The following PPFIA4 variants were observed in gnomAD, a reference collection of about 807,000 sequenced individuals.
PPFIA4 encodes the protein PPFI scaffold protein A4, also known as liprin-alpha-4.
A neutral mutation model predicts 145.7 loss-of-function variants in PPFIA4; 98 were observed. The ratio of observed to expected loss-of-function variants is 0.67; its 90% confidence interval spans 0.57 to 0.80. PPFIA4 has a LOEUF of 0.80. Among genes scored for constraint, PPFIA4 ranks in the 30% least tolerant of loss-of-function variants. The pLI is 0.00. For synonymous variants in PPFIA4, 628 were observed against 649.6 expected, an observed-to-expected ratio of 0.97 and a Z score of 0.51; for missense variants, 1,457 against 1,632.7, an observed-to-expected ratio of 0.89 and a Z score of 1.85.
intron 19 of PPFIA4, among the ~76,000 whole-genome samples, chr1:203,058,587 T>C (rs1039703447): frequency 2.0e-5 from 3 of 152,208 alleles, no homozygotes; most frequent in Non-Finnish European, 4.4e-5. Context: ...TACTGTGCAC[T>C]GTGGGGGGGT....
chr1:203,061,068 G>A, intron 23 of PPFIA4, 36 bp downstream of exon 23: 4 of 1,596,360 alleles, frequency 2.5e-6, no homozygotes, highest in Non-Finnish European at 3.4e-6. Context: ...CCTGGGCCTG[G>A]GGTTGGGACT....
At chr1:203,044,923 T>G in intron 6 of PPFIA4, 138 bp downstream of exon 6, 1 of 766,492 alleles carries the variant, frequency 1.3e-6, no homozygotes, top group South Asian at 1.6e-5. Flanking sequence ...CCTTCTCTTT[T>G]CTTCTTCTCC....
chr1:203,048,761 T>TGGGGGGGGG lies in PPFIA4; in HGVS notation c.1356+51_1356+52insGGGGGGGGG. 1 of 791,614 alleles carries TGGGGGGGGG rather than the reference T, an allele frequency of 1.3e-6. No individual in the cohort carries two copies. Among genetic ancestry groups the TGGGGGGGGG allele is most frequent in the Admixed American group, 5.6e-5 (1 of 17,836 alleles). 49.0% of individuals were successfully genotyped at this position (791,614 alleles called of 1,614,324 possible). ...GGATGCGAGAGGTTAGTGCTGGGTGTGGGGCGGGGGGAGGCGGGACTGTGA... is the reference window on the plus strand; with the variant it reads ...GGATGCGAGAGGTTAGTGCTGGGTGTGGGGGGGGGGGGGCGGGGGGAGGCGGGACTGTGA... On this transcript the variant is annotated intron_variant, in intron 11 of 29. Coordinates refer to ENST00000295706, the MANE Select transcript of PPFIA4 (RefSeq NM_001304331.2). This position sits in a 1 kb window ranked among gnomAD's most constrained non-coding sequence, Gnocchi z 5.8.
chr1:203,070,949 T>G (rs1662109613), intron 27 of PPFIA4, among the ~76,000 whole-genome samples: 1 of 126,432 alleles, frequency 7.9e-6, no homozygotes. Flanking sequence ...ATGATCCCAC[T>G]TTTTTGTTTT....
intron 25 of PPFIA4, 38 bp downstream of exon 25, chr1:203,064,041 G>T (rs760353218): frequency 5.6e-6 from 9 of 1,596,056 alleles, no homozygotes; most frequent in Non-Finnish European, 7.7e-6. Context: ...CTCCCTCGTG[G>T]GGGCCTCCCC....
intron 20 of PPFIA4, 71 bp downstream of exon 20, chr1:203,059,342 C>T (rs1661204680): frequency 7.7e-7 from 1 of 1,301,250 alleles, no homozygotes; most frequent in Admixed American, 2.0e-5. Flanking sequence ...CCCTGGGCTG[C>T]TGTGAAACTG....
Position 203,043,335 on chromosome 1 carries a change from A to T in PPFIA4, c.235-62A>T, listed in dbSNP as rs1479636094. 2.8e-6 allele frequency: 4 copies of T among 1,428,914 alleles called. No individual in the cohort carries two copies. The highest frequency in any genetic ancestry group is 3.9e-6 in the Non-Finnish European group (4 of 1,033,720). 88.5% of individuals were successfully genotyped at this position (1,428,914 alleles called of 1,614,324 possible). On this transcript the variant is annotated intron_variant, in intron 2 of 29. Transcript: ENST00000295706. This position sits in a 1 kb window ranked among gnomAD's most constrained non-coding sequence, Gnocchi z 4.4. Reference sequence around the variant, plus strand: ...TGAGAGGATCCCACCACTGACTTGCATGTGCAGGACACTGCTTTGGGGGTG... The same window carrying T: ...TGAGAGGATCCCACCACTGACTTGCTTGTGCAGGACACTGCTTTGGGGGTG...
At position 203,071,761 on chromosome 1, in the gene PPFIA4, G is replaced by A. The variant is rs777513530; in HGVS notation, c.3393+1G>A. The stretch of plus-strand genomic sequence containing the variant: ...GGGCACAGACCGGAAGCTGGATGAC[G>A]TGAGTACCTGGCCATGAATTAGGAG... On this transcript the variant is annotated splice_donor_variant, in intron 28 of 29. Transcript: ENST00000295706. LOFTEE classifies it high-confidence loss of function. The A allele has an allele frequency of 3.7e-6, 6 of 1,609,288 alleles. No homozygotes were observed. Among genetic ancestry groups the A allele is most frequent in the South Asian group, 2.2e-5 (2 of 90,426 alleles).
intron 25 of PPFIA4, among the ~76,000 whole-genome samples, chr1:203,065,746 C>T (rs2102683438): frequency 6.6e-6 from 1 of 152,228 alleles, no homozygotes; most frequent in South Asian, 2.1e-4. Flanking sequence ...ATTTTAAAAC[C>T]TTATTTTACA....
chr1:203,068,436 C>G lies in PPFIA4; in HGVS notation c.3149-17C>G. On this transcript the variant is annotated splice_polypyrimidine_tract_variant and intron_variant, in intron 26 of 29. Transcript: ENST00000295706. This position sits in a 1 kb window ranked among gnomAD's most constrained non-coding sequence, Gnocchi z 4.7. ...CGTAGTATCTCCTTCCGTCCCTTTT[C>G]TTCCCCCACACTCCAGATGTGTTAG... 6.3e-7 allele frequency: 1 copy of G among 1,577,230 alleles called. No homozygotes were observed. Among genetic ancestry groups the G allele is most frequent in the Non-Finnish European group, 8.6e-7 (1 of 1,161,928 alleles).
Position 203,064,002 on chromosome 1 carries a change from C to T in PPFIA4, c.3049C>T (p.Arg1017Ter), listed in dbSNP as rs1443611076. 9.3e-6 allele frequency: 15 copies of T among 1,611,676 alleles called. No homozygotes were observed. The highest frequency in any genetic ancestry group is 2.2e-5 in the South Asian group (2 of 90,994). ...CCTGAAGATGGTGGACAGCTTCCATCGGTGAGCGCGGCTGGGACCCAGGGC... is the reference window on the plus strand; with the variant it reads ...CCTGAAGATGGTGGACAGCTTCCATTGGTGAGCGCGGCTGGGACCCAGGGC... The part of the protein sequence containing the change: ...VHLKMVDSFH[R>*]TSLQYGIMCL... The change falls in exon 25 of 30, where the codon CGA becomes TGA. Residue 1017 changes from arginine (R) to a stop codon, truncating the protein, a stop_gained and splice_region_variant. Coordinates refer to ENST00000295706, the MANE Select transcript of PPFIA4 (RefSeq NM_001304331.2). LOFTEE classifies it high-confidence loss of function.
In PPFIA4 at chr1:203,044,044, G is replaced by T; in HGVS notation, c.450G>T (p.Val150=). 6.2e-7 allele frequency: 1 copy of T among 1,611,788 alleles called. No individual in the cohort carries two copies. Residue 150 remains valine (V), a synonymous_variant, in exon 4 of 30, where the codon GTG becomes GTT. Transcript: ENST00000295706. The part of the protein sequence containing the change: ...SPSGVSSEVE[V]LKALKSLFEH... ...CGGGGGTCTCCAGTGAGGTGGAGGT[G>T]CTGAAGGCCCTCAAGTCACTGTTTG...
chr1:203,068,397 G>T lies in PPFIA4; in HGVS notation c.3149-56G>T, dbSNP rs146887324. ...GGGAGCTCTGCTTCTGTCCTTGGAG[G>T]GCCCTTGATGAAACGTAGTATCTCC... On this transcript the variant is annotated intron_variant, in intron 26 of 29. Coordinates refer to ENST00000295706, the MANE Select transcript of PPFIA4 (RefSeq NM_001304331.2). The surrounding 1 kb of genome is among the most constrained non-coding windows in gnomAD (Gnocchi z 4.7). 1.1e-3 allele frequency: 1,637 copies of T among 1,463,638 alleles called. 42 individuals are homozygous for T. In the Admixed American group the frequency reaches 0.032, roughly 29 times the overall value. The allele number at this position is 1,463,638 out of a possible 1,614,324, so 90.7% of individuals were successfully genotyped here. A position where few individuals can be genotyped will look rare whatever the true frequency, so the allele number is the denominator to read the frequency against.
chr1:203,055,998 C>G lies in PPFIA4; in HGVS notation c.2071-122C>G. The G allele has an allele frequency of 1.1e-6, 1 of 950,606 alleles. No individual in the cohort carries two copies. The highest frequency in any genetic ancestry group is 1.6e-6 in the Non-Finnish European group (1 of 634,108). The allele number at this position is 950,606 out of a possible 1,614,324, so 58.9% of individuals were successfully genotyped here. On this transcript the variant is annotated intron_variant, in intron 16 of 29. Transcript: ENST00000295706. The surrounding 1 kb of genome is among the most constrained non-coding windows in gnomAD (Gnocchi z 4.8). ...TTTTTTTTTTCTGGCGTGATATTCTCTCCGGGCCTGTGTGAGGCACTGAAT... is the reference window on the plus strand; with the variant it reads ...TTTTTTTTTTCTGGCGTGATATTCTGTCCGGGCCTGTGTGAGGCACTGAAT...
At chr1:203,028,432 G>T (rs1302111395) in intron 1 of PPFIA4, among the ~76,000 whole-genome samples, 8 of 152,170 alleles carry the variant, frequency 5.3e-5, no homozygotes, top group African/African-American at 1.9e-4. Flanking sequence ...CTAGGCAAGA[G>T]AATGAGTAGT....
At position 203,055,759 on chromosome 1, in the gene PPFIA4, A is replaced by T. The variant is rs1660895074; in HGVS notation, c.2070+87A>T. ...GGGATGGTAGGACTCACGTGCTCTC[A>T]GCTGGGCCTGCCATCTTCTTCCCAT... is the stretch of plus-strand genomic sequence containing the variant. On this transcript the variant is annotated intron_variant, in intron 16 of 29. Transcript: ENST00000295706. This position sits in a 1 kb window ranked among gnomAD's most constrained non-coding sequence, Gnocchi z 4.8. 1.3e-6 allele frequency: 2 copies of T among 1,567,398 alleles called. No individual in the cohort carries two copies. Among genetic ancestry groups the T allele is most frequent in the East Asian group, 2.3e-5 (1 of 44,418 alleles).
chr1:203,059,153 G>A, intron 19 of PPFIA4, 25 bp from the exon 20 acceptor site: 1 of 1,466,550 alleles, frequency 6.8e-7, no homozygotes, highest in Non-Finnish European at 9.4e-7. Flanking sequence ...GGGGCTGGCT[G>A]ACACACACAT....
At chr1:203,044,340 G>A in intron 4 of PPFIA4, 39 bp from the exon 5 acceptor site, 1 of 1,538,100 alleles carries the variant, frequency 6.5e-7, no homozygotes, top group Non-Finnish European at 8.8e-7. Context: ...CTCAAGTGGG[G>A]TCCCCCTTTC....
intron 25 of PPFIA4, among the ~76,000 whole-genome samples, chr1:203,064,647 C>T (rs1175002631): frequency 6.6e-5 from 10 of 152,210 alleles, no homozygotes; most frequent in African/African-American, 2.4e-4. Flanking sequence ...AATTGAGCTG[C>T]CAGTATTTAA....
Sources: allele counts gnomAD v4.1 joint callset (sites outside exome capture counted in the v4.1 genomes callset), GRCh38; gene constraint gnomAD v4.1.1; non-coding constraint Gnocchi (gnomAD v3.1); transcripts MANE v1.5; gene names NCBI Gene and HGNC (gene_info 2026-07-23, HGNC 2026-07-21).